The following ORC2 variants were observed in gnomAD, a reference collection of about 807,000 sequenced individuals.
The protein encoded by ORC2 is origin recognition complex protein 2 homolog.
ORC2 carries 37 observed loss-of-function variants against 77.7 expected under a neutral mutation model. That is an observed-to-expected ratio of 0.48 (90% CI 0.37 to 0.63). The LOEUF (loss-of-function observed/expected upper bound fraction) is 0.63. Ranked by LOEUF, ORC2 falls within the 20% of genes least tolerant of loss-of-function variation. ORC2 has a pLI of 0.00. For synonymous variants in ORC2, 201 were observed against 229.5 expected, an observed-to-expected ratio of 0.88 and a Z score of 1.12; for missense variants, 557 against 661.9, an observed-to-expected ratio of 0.84 and a Z score of 1.74.
At chr2:200,953,785 C>T (rs1421468632) in intron 4 of ORC2, among the ~76,000 whole-genome samples, 1 of 152,098 alleles carries the variant, frequency 6.6e-6, no homozygotes, top group East Asian at 1.9e-4. Context: ...TGCCACTGAA[C>T]CCATACACTT....
At chr2:200,941,118 T>C in intron 7 of ORC2, 130 bp downstream of exon 7, 1 of 629,592 alleles carries the variant, frequency 1.6e-6, no homozygotes, top group East Asian at 3.0e-5. Context: ...GGTATTTAAC[T>C]GCCAAATATC....
rs1439580618 is a variant in ORC2, at chr2:200,920,237, A to G, written c.1451T>C (p.Leu484Pro). The G allele has an allele frequency of 1.2e-6, 2 of 1,612,222 alleles. No individual in the cohort carries two copies. Among genetic ancestry groups the G allele is most frequent in the East Asian group, 2.2e-5 (1 of 44,826 alleles). Reference protein sequence around the residue: ...LSSLTHVLRSLTPNARGIFRL... With the variant: ...LSSLTHVLRSPTPNARGIFRL... The stretch of plus-strand genomic sequence containing the variant: ...TCATCCTTACCTTGCATTAGGGGTA[A>G]GGCTTCGTAAGACATGAGTAAGGGA... The change falls in exon 15 of 18, where the codon CTT (leucine) becomes CCT (proline). Residue 484 changes from leucine (L) to proline (P), a missense_variant. By Grantham distance (98) the Leu-to-Pro change is moderately conservative (BLOSUM62 -3). Coordinates refer to ENST00000234296, the MANE Select transcript of ORC2 (RefSeq NM_006190.5).
intron 1 of ORC2, 95 bp downstream of exon 1, chr2:200,963,395 G>A (rs1398651538): frequency 5.0e-6 from 2 of 398,386 alleles, no homozygotes; most frequent in East Asian, 3.6e-5. Context: ...TAGGGGCCAA[G>A]CTCCGACGCG....
intron 5 of ORC2, among the ~76,000 whole-genome samples, chr2:200,944,832 G>A (rs1559019127): frequency 1.3e-5 from 2 of 152,168 alleles, no homozygotes; most frequent in African/African-American, 2.4e-5. Context: ...GAGTCACCAC[G>A]CCCAGCGGTG....
Position 200,920,390 on chromosome 2 carries a change from C to T in ORC2, c.1298G>A (p.Trp433Ter). 1 of 1,546,582 alleles carries T rather than the reference C, an allele frequency of 6.5e-7. No individual in the cohort carries two copies. Among genetic ancestry groups the T allele is most frequent in the Non-Finnish European group, 8.7e-7 (1 of 1,143,898 alleles). Residue 433 changes from tryptophan (W) to a stop codon, truncating the protein, a stop_gained, in exon 15 of 18, where the codon TGG becomes TAG. Coordinates refer to ENST00000234296, the MANE Select transcript of ORC2 (RefSeq NM_006190.5). LOFTEE classifies it high-confidence loss of function. ...SIDHLNAPLMWDHAKQSLFNW... is the reference protein window; with the variant it reads ...SIDHLNAPLM ...AAAAAGACTCTGCTTTGCATGATCCCACACTAGCACATGATCAAAGAAAAC... is the reference window on the plus strand; with the variant it reads ...AAAAAGACTCTGCTTTGCATGATCCTACACTAGCACATGATCAAAGAAAAC...
rs1294004583 is a variant in ORC2 at position 200,958,107 on chromosome 2, A to C, written c.17T>G (p.Leu6Ter). 6.2e-7 allele frequency: 1 copy of C among 1,611,746 alleles called. No homozygotes were observed. The change falls in exon 3 of 18, where the codon TTA becomes TGA. Residue 6 changes from leucine (L) to a stop codon, truncating the protein, a stop_gained. Coordinates refer to ENST00000234296, the MANE Select transcript of ORC2 (RefSeq NM_006190.5). LOFTEE classifies it high-confidence loss of function. The part of the protein sequence containing the change: MSKPE[L>*]KEDKMLEVHF... Reference sequence around the variant, plus strand: ...AACCTCCAGCATCTTGTCTTCCTTTAATTCTGGTTTACTCATTGTTGCCAA... The same window carrying C: ...AACCTCCAGCATCTTGTCTTCCTTTCATTCTGGTTTACTCATTGTTGCCAA...
intron 11 of ORC2, among the ~76,000 whole-genome samples, chr2:200,928,091 C>G (rs1244737717): frequency 6.6e-6 from 1 of 151,996 alleles, no homozygotes; most frequent in Non-Finnish European, 1.5e-5. Context: ...CATGATGGCT[C>G]ACGCCTGTAA....
chr2:200,913,076 T>C (rs2040579139), intron 17 of ORC2, among the ~76,000 whole-genome samples: 1 of 152,232 alleles, frequency 6.6e-6, no homozygotes, highest in South Asian at 2.1e-4. Flanking sequence ...TGCCTATTAC[T>C]CTGGACTAGA....
intron 1 of ORC2, among the ~76,000 whole-genome samples, chr2:200,960,764 C>T (rs1467712017): frequency 6.6e-6 from 1 of 152,072 alleles, no homozygotes; most frequent in Non-Finnish European, 1.5e-5. Context: ...AAATTCACTT[C>T]GGACTGATCC....
chr2:200,924,238 T>C (rs1023688024), intron 13 of ORC2, among the ~76,000 whole-genome samples: 2 of 151,966 alleles, frequency 1.3e-5, no homozygotes, highest in African/African-American at 2.4e-5. Flanking sequence ...TCCCAGCTAA[T>C]GGGGAGGCTG....
intron 8 of ORC2, among the ~76,000 whole-genome samples, chr2:200,936,259 G>A (rs1462218340): frequency 6.6e-6 from 1 of 152,086 alleles, no homozygotes; most frequent in Non-Finnish European, 1.5e-5. Context: ...CCATCCTAGG[G>A]GATGAATCAT....
chr2:200,923,524 G>A (rs115605641), intron 13 of ORC2, among the ~76,000 whole-genome samples: 6,540 of 152,108 alleles, frequency 0.043, 470 homozygotes, highest in African/African-American at 0.15. Flanking sequence ...TGAAGGGATT[G>A]CAGGTGTGAG....
intron 1 of ORC2, among the ~76,000 whole-genome samples, chr2:200,962,337 C>T (rs2041594963): frequency 6.6e-6 from 1 of 152,218 alleles, no homozygotes; most frequent in Non-Finnish European, 1.5e-5. Flanking sequence ...TAGCATTGCA[C>T]CAAGTGGTAG....
In ORC2 at chr2:200,911,124, C is replaced by T. The variant is rs1319365639; in HGVS notation, c.*177G>A. 10 of 572,720 alleles carry T rather than the reference C, an allele frequency of 1.7e-5. No homozygotes were observed. Among genetic ancestry groups the T allele is most frequent in the African/African-American group, 3.8e-5 (2 of 53,262 alleles). The allele number at this position is 572,720 out of a possible 1,614,324, so 35.5% of individuals were successfully genotyped here. ...TTGAGGACCGCTGCATAGTACTAGA[C>T]GGTACCAGCCAGGCTGATCAAAAAG... On this transcript the variant is annotated 3_prime_UTR_variant, in exon 18 of 18. Transcript: ENST00000234296.
chr2:200,951,489 A>C (rs2041355711), intron 4 of ORC2, among the ~76,000 whole-genome samples: 1 of 152,226 alleles, frequency 6.6e-6, no homozygotes, highest in African/African-American at 2.4e-5. Context: ...CTAGAGATAA[A>C]TGAGTTCTTG....
chr2:200,919,244 C>A (rs1223744642), intron 15 of ORC2, among the ~76,000 whole-genome samples: 4 of 152,194 alleles, frequency 2.6e-5, no homozygotes, highest in Admixed American at 1.3e-4. Flanking sequence ...CTATTCTCAG[C>A]AAGGTTTGTT....
chr2:200,943,477 C>T (rs142517648), intron 5 of ORC2, among the ~76,000 whole-genome samples: 270 of 152,168 alleles, frequency 1.8e-3, no homozygotes, highest in African/African-American at 5.3e-3. Context: ...CACACTCACA[C>T]CATGAGAGGC....
intron 1 of ORC2, among the ~76,000 whole-genome samples, chr2:200,962,232 A>T (rs1264525097): frequency 6.6e-6 from 1 of 152,268 alleles, no homozygotes; most frequent in African/African-American, 2.4e-5. Flanking sequence ...TGCAATATTT[A>T]GTGACCATTA....
intron 15 of ORC2, among the ~76,000 whole-genome samples, chr2:200,919,653 C>T (rs1008840373): frequency 6.6e-6 from 1 of 152,220 alleles, no homozygotes; most frequent in Non-Finnish European, 1.5e-5. Flanking sequence ...GCCACTGCGT[C>T]CGGCTAATTA....
Sources: gnomAD v4.1 joint callset for allele counts (sites outside exome capture counted in the v4.1 genomes callset) on GRCh38, gnomAD v4.1.1 for gene constraint, MANE v1.5 for transcripts, NCBI Gene and HGNC (gene_info 2026-07-23, HGNC 2026-07-21) for gene names.